The following SYNRG variants were observed in gnomAD, a reference collection of about 807,000 sequenced individuals.
SYNRG encodes the protein synergin gamma, also known as AP1 gamma subunit binding protein 1.
SYNRG carries 37 observed loss-of-function variants against 130.9 expected under a neutral mutation model. That is an observed-to-expected ratio of 0.28 (90% CI 0.22 to 0.37). SYNRG has a LOEUF of 0.37. Among genes scored for constraint, SYNRG ranks in the 10% least tolerant of loss-of-function variants. The probability of loss-of-function intolerance (pLI) is 1.00; values close to 1 mark genes in which losing one functional copy is unlikely to be tolerated. For missense variants in SYNRG, 1,338 were observed against 1,588.9 expected, an observed-to-expected ratio of 0.84 and a Z score of 2.68; for synonymous variants, 539 against 568.1, an observed-to-expected ratio of 0.95 and a Z score of 0.73.
chr17:37,570,889 C>A lies in SYNRG; in HGVS notation c.1099-4G>T. ...GACTCATTGCAGGAACGCCCCTCTA[C>A]AAATGATAGAAAGAAAATGGATTAG... On this transcript the variant is annotated splice_polypyrimidine_tract_variant and splice_region_variant and intron_variant, in intron 9 of 21. Coordinates refer to ENST00000612223, the MANE Select transcript of SYNRG (RefSeq NM_007247.6). 1 of 1,609,340 alleles carries A rather than the reference C, an allele frequency of 6.2e-7. No homozygotes were observed. Among genetic ancestry groups the A allele is most frequent in the Non-Finnish European group, 8.5e-7 (1 of 1,177,894 alleles).
chr17:37,577,398 G>A lies in SYNRG; in HGVS notation c.805C>T (p.Leu269=). 3 of 1,614,174 alleles carry A rather than the reference G, an allele frequency of 1.9e-6. No homozygotes were observed. Among genetic ancestry groups the A allele is most frequent in the Middle Eastern group, 1.6e-4 (1 of 6,062 alleles). The change falls in exon 7 of 22, where the codon CTG becomes TTG. Residue 269 remains leucine (L), a synonymous_variant. Transcript: ENST00000612223. The part of the protein sequence containing the change: ...AEAENTSDQN[L]SIEESGVGVF... ...AGCTCACCACTCTCTTCAATTGACAGGTTTTGATCTGAAGTATTTTCTGCC... is the reference window on the plus strand; with the variant it reads ...AGCTCACCACTCTCTTCAATTGACAAGTTTTGATCTGAAGTATTTTCTGCC...
At position 37,518,926 on chromosome 17, in the gene SYNRG, C is replaced by T. The variant is rs747451287; in HGVS notation, c.*14G>A. 21 of 1,608,668 alleles carry T rather than the reference C, an allele frequency of 1.3e-5. No homozygotes were observed. The highest frequency in any genetic ancestry group is 1.7e-5 in the Non-Finnish European group (20 of 1,178,204). On this transcript the variant is annotated 3_prime_UTR_variant, in exon 22 of 22. Transcript: ENST00000612223. The stretch of plus-strand genomic sequence containing the variant: ...CACAGAAAAAAAAAAGTCAATGCTT[C>T]ACAGAGGAGTTGTTCAGAGCAGGTC...
At chr17:37,540,598 C>T in intron 15 of SYNRG, 55 bp from the exon 16 acceptor site, 6 of 1,493,778 alleles carry the variant, frequency 4.0e-6, no homozygotes, top group Non-Finnish European at 5.5e-6. Context: ...TTAGTTCAGG[C>T]AGAGGCTCTT....
chr17:37,557,131 T>G (rs1045080959), intron 13 of SYNRG: 1 of 152,244 alleles, frequency 6.6e-6, no homozygotes, highest in Admixed American at 6.5e-5. Context: ...TTGGTTAATG[T>G]CTACATACTT....
Position 37,542,511 on chromosome 17 carries a change from A to G in SYNRG, c.2663T>C (p.Val888Ala), listed in dbSNP as rs765119539. ...CCAGTCATAGCTTGTAAGTGTGCTC[A>G]CTGCAAAATTGCTACTGTAGCTTCC... ...AFGSYSSNFA[V>A]STLTSYDWSD... The change falls in exon 15 of 22, where the codon GTG becomes GCG. Residue 888 changes from valine (V) to alanine (A), a missense_variant. This residue lies in a region of SYNRG where 1,146 missense variants were observed against 1,342.3 expected (regional missense o/e 0.85). Transcript: ENST00000612223. 59 of 1,613,242 alleles carry G rather than the reference A, an allele frequency of 3.7e-5. No individual in the cohort carries two copies. The highest frequency in any genetic ancestry group is 4.7e-5 in the Non-Finnish European group (55 of 1,180,038).
In SYNRG at chr17:37,561,564, G is replaced by C; in HGVS notation, c.1507C>G (p.Pro503Ala). 6.2e-7 allele frequency: 1 copy of C among 1,612,632 alleles called. No homozygotes were observed. The highest frequency in any genetic ancestry group is 8.5e-7 in the Non-Finnish European group (1 of 1,178,946). The change falls in exon 12 of 22, where the codon CCT becomes GCT. Residue 503 changes from proline (P) to alanine (A), a missense_variant. By Grantham distance (27) the Pro-to-Ala change is conservative. Coordinates refer to ENST00000612223, the MANE Select transcript of SYNRG (RefSeq NM_007247.6). The stretch of plus-strand genomic sequence containing the variant: ...ATTGAAGGCAATGCTTTAGTTCCAG[G>C]AAGTGGCATCAACAAAGAAGGGGCA... ...NSAPSLLMPL[P>A]GTKALPSMDK...
intron 13 of SYNRG, among the ~76,000 whole-genome samples, chr17:37,555,701 C>G (rs1429413272): frequency 1.3e-5 from 2 of 152,088 alleles, no homozygotes; most frequent in Non-Finnish European, 1.5e-5. Context: ...AGGAGGAGTT[C>G]AAGACAAGCC....
chr17:37,606,541 T>C (rs1365059489), intron 1 of SYNRG, among the ~76,000 whole-genome samples: 2 of 152,224 alleles, frequency 1.3e-5, no homozygotes, highest in Non-Finnish European at 2.9e-5. Context: ...CATGTTTTGA[T>C]GTCTTTTTAA....
intron 6 of SYNRG, among the ~76,000 whole-genome samples, chr17:37,579,594 C>G (rs1164946481): frequency 6.6e-6 from 1 of 152,168 alleles, no homozygotes; most frequent in East Asian, 1.9e-4. Context: ...TTGCATGATG[C>G]ATGTAAAACA....
In SYNRG at chr17:37,518,891, C is replaced by T; in HGVS notation, c.*49G>A. On this transcript the variant is annotated 3_prime_UTR_variant, in exon 22 of 22. Coordinates refer to ENST00000612223, the MANE Select transcript of SYNRG (RefSeq NM_007247.6). ...TTCTATTTATTGGTCCCTGTCACCC[C>T]GTGGGGTGTCACAGAAAAAAAAAAG... The T allele has an allele frequency of 3.1e-6, 5 of 1,601,626 alleles. No homozygotes were observed. Among genetic ancestry groups the T allele is most frequent in the African/African-American group, 2.7e-5 (2 of 74,640 alleles).
intron 3 of SYNRG, among the ~76,000 whole-genome samples, chr17:37,590,417 T>C (rs1402300819): frequency 7.2e-5 from 11 of 152,114 alleles, no homozygotes; most frequent in Non-Finnish European, 5.9e-5. Context: ...AGAAATCAAT[T>C]AAATCAAAAC....
At chr17:37,539,521 C>T (rs1052205749) in intron 16 of SYNRG, among the ~76,000 whole-genome samples, 1 of 152,152 alleles carries the variant, frequency 6.6e-6, no homozygotes, top group Non-Finnish European at 1.5e-5. Context: ...CAGGCACGCA[C>T]CACCACATGA....
intron 6 of SYNRG, among the ~76,000 whole-genome samples, chr17:37,578,512 TA>T (rs775861254): frequency 4.4e-4 from 67 of 152,274 alleles, no homozygotes; most frequent in Admixed American, 2.8e-3. Context: ...TCTGACAACC[TA>T]CATAAGATAA....
chr17:37,526,633 T>C (rs1300724613), intron 19 of SYNRG, among the ~76,000 whole-genome samples: 1 of 152,216 alleles, frequency 6.6e-6, no homozygotes. Context: ...CCTTGCCTTT[T>C]CTAGCTTCTA....
chr17:37,585,413 T>C lies in SYNRG; in HGVS notation c.389A>G (p.Gln130Arg). 6.2e-7 allele frequency: 1 copy of C among 1,613,246 alleles called. No homozygotes were observed. The highest frequency in any genetic ancestry group is 1.1e-5 in the South Asian group (1 of 91,044). ...TCTTTCTTCTTCTAAGAGTTTTTGCTGCTGTTCAAATCGTTTCCTGAAGGA... is the reference window on the plus strand; with the variant it reads ...TCTTTCTTCTTCTAAGAGTTTTTGCCGCTGTTCAAATCGTTTCCTGAAGGA... ...AEEQQKRFEQ[Q>R]QKLLEEERKR... is the part of the protein sequence containing the mutation. The change falls in exon 5 of 22, where the codon CAG becomes CGG. Residue 130 changes from glutamine to arginine, a missense_variant. Gln to Arg is a conservative substitution (Grantham distance 43). This residue lies in a region of SYNRG where 184 missense variants were observed against 217.2 expected (regional missense o/e 0.85). Coordinates refer to ENST00000612223, the MANE Select transcript of SYNRG (RefSeq NM_007247.6).
chr17:37,525,600 AGGTG>A (rs2055744752), intron 19 of SYNRG, among the ~76,000 whole-genome samples: 1 of 152,212 alleles, frequency 6.6e-6, no homozygotes, highest in Non-Finnish European at 1.5e-5. Flanking sequence ...TGGGAGGCCG[AGGTG>A]GGTGGATCAC....
intron 6 of SYNRG, among the ~76,000 whole-genome samples, chr17:37,578,557 A>G (rs1315117922): frequency 6.6e-6 from 1 of 152,224 alleles, no homozygotes; most frequent in Non-Finnish European, 1.5e-5. Flanking sequence ...GCCTCTGGCC[A>G]GTAACATCAT....
chr17:37,546,511 A>G lies in SYNRG; in HGVS notation c.2609-3946T>C, dbSNP rs540811871. Among the ~76,000 whole-genome samples the G allele has an allele frequency of 5.9e-5, 9 of 152,344 alleles. No individual in the cohort carries two copies. The South Asian group carries it at 6.2e-4, about 11-fold the overall frequency. The stretch of plus-strand genomic sequence containing the variant: ...CATCATGGATCTCAAATCAAAACAC[A>G]TATTTCTTGCTTATGCTGGCAAGTA... On this transcript the variant is annotated intron_variant, in intron 14 of 21. Coordinates refer to ENST00000612223, the MANE Select transcript of SYNRG (RefSeq NM_007247.6).
chr17:37,522,572 A>G (rs1197000201), intron 19 of SYNRG, among the ~76,000 whole-genome samples: 1 of 151,070 alleles, frequency 6.6e-6, no homozygotes, highest in Non-Finnish European at 1.5e-5. Context: ...GGCTCAAGCA[A>G]TCCTCCCGCC....
Sources: allele counts gnomAD v4.1 joint callset (sites outside exome capture counted in the v4.1 genomes callset), GRCh38; gene constraint gnomAD v4.1.1; regional missense constraint gnomAD v4.1.1; transcripts MANE v1.5; gene names NCBI Gene and HGNC (gene_info 2026-07-23, HGNC 2026-07-21).